The following GALNT17 variants were observed in gnomAD, a reference collection of about 807,000 sequenced individuals.
GALNT17 encodes the protein UDP-GalNAc:polypeptide N-acetylgalactosaminyltransferase-like 3.
A neutral mutation model predicts 63.7 loss-of-function variants in GALNT17; 29 were observed. That is an observed-to-expected ratio of 0.46 (90% CI 0.34 to 0.62). The LOEUF is 0.62. Among genes scored for constraint, GALNT17 ranks in the 20% least tolerant of loss-of-function variants. The pLI is 0.01. For missense variants in GALNT17, 603 were observed against 799.6 expected (o/e 0.75, Z 2.97); for synonymous variants, 305 against 318.3 (o/e 0.96, Z 0.45).
In GALNT17 at chr7:71,240,130, T is replaced by G. The variant is rs984941339; in HGVS notation, c.239-95420T>G. 2.0e-5 allele frequency among the ~76,000 whole-genome samples: 3 copies of G among 152,200 alleles called. No homozygotes were observed. The East Asian group carries it at 5.8e-4, about 29-fold the overall frequency. On this transcript the variant is annotated intron_variant, in intron 1 of 10. Transcript: ENST00000333538. The stretch of plus-strand genomic sequence containing the variant: ...TAAAAGCTTGCCTAACTCTTTTGGA[T>G]CCTTACCTAGTAGCTACTTCACAGC...
At chr7:71,417,672 C>A (rs926484634) in intron 4 of GALNT17, among the ~76,000 whole-genome samples, 1 of 152,204 alleles carries the variant, frequency 6.6e-6, no homozygotes, top group Non-Finnish European at 1.5e-5. Flanking sequence ...TTGAGAAGCA[C>A]TGAGCCATAA....
chr7:71,261,244 C>T (rs1420940057), intron 1 of GALNT17, among the ~76,000 whole-genome samples: 1 of 152,202 alleles, frequency 6.6e-6, no homozygotes, highest in African/African-American at 2.4e-5. Context: ...TGGCAGGACT[C>T]ATGGGCCCCT....
At chr7:71,529,363 G>A (rs75303196) in intron 5 of GALNT17, among the ~76,000 whole-genome samples, 2,339 of 152,150 alleles carry the variant, frequency 0.015, 27 homozygotes, top group South Asian at 0.035. Context: ...TCCACACATA[G>A]TAAGGAAGAA....
intron 1 of GALNT17, among the ~76,000 whole-genome samples, chr7:71,160,647 CG>C (rs1424853337): frequency 5.9e-5 from 9 of 151,994 alleles, no homozygotes; most frequent in African/African-American, 1.9e-4. Flanking sequence ...TTAGTAGTGA[CG>C]GGGTTTTTCC....
intron 2 of GALNT17, among the ~76,000 whole-genome samples, chr7:71,354,168 A>G (rs972253255): frequency 3.3e-5 from 5 of 152,204 alleles, no homozygotes; most frequent in African/African-American, 9.6e-5. Context: ...AGGAATTACA[A>G]TTCAACATGA....
At chr7:71,334,739 C>T (rs1791868445) in intron 1 of GALNT17, among the ~76,000 whole-genome samples, 1 of 152,120 alleles carries the variant, frequency 6.6e-6, no homozygotes, top group Admixed American at 6.5e-5. Flanking sequence ...TGGGTTTTTT[C>T]CTCTCCTCTG....
intron 1 of GALNT17, among the ~76,000 whole-genome samples, chr7:71,133,781 C>T (rs187449820): frequency 5.9e-5 from 9 of 152,258 alleles, no homozygotes; most frequent in Non-Finnish European, 1.2e-4. Context: ...TTTATGTGCT[C>T]TTGTCACACC....
intron 6 of GALNT17, among the ~76,000 whole-genome samples, chr7:71,632,545 C>T (rs1051055746): frequency 3.3e-5 from 5 of 152,068 alleles, no homozygotes; most frequent in African/African-American, 4.8e-5. Flanking sequence ...CACTTTCAGC[C>T]GAGCTGAATA....
chr7:71,457,838 G>A (rs960775265), intron 5 of GALNT17, among the ~76,000 whole-genome samples: 4 of 152,138 alleles, frequency 2.6e-5, no homozygotes, highest in Admixed American at 6.5e-5. Flanking sequence ...CGCCTTAACT[G>A]TCTGGGAATC....
At chr7:71,463,569 A>G (rs1166586515) in intron 5 of GALNT17, among the ~76,000 whole-genome samples, 1 of 152,200 alleles carries the variant, frequency 6.6e-6, no homozygotes, top group Non-Finnish European at 1.5e-5. Context: ...GCTACTCCAT[A>G]GGCAGAGCAG....
chr7:71,216,632 A>G (rs1435991316), intron 1 of GALNT17, among the ~76,000 whole-genome samples: 1 of 151,768 alleles, frequency 6.6e-6, no homozygotes, highest in Non-Finnish European at 1.5e-5. Context: ...ACACACACAT[A>G]TACATATATA....
At chr7:71,191,850 GAA>G (rs1361107447) in intron 1 of GALNT17, among the ~76,000 whole-genome samples, 1 of 152,186 alleles carries the variant, frequency 6.6e-6, no homozygotes, top group Non-Finnish European at 1.5e-5. Context: ...TAGAGGGACA[GAA>G]CTAATAGGAT....
chr7:71,150,926 A>G (rs1788120360), intron 1 of GALNT17, among the ~76,000 whole-genome samples: 2 of 148,720 alleles, frequency 1.3e-5, no homozygotes, highest in South Asian at 4.3e-4. Context: ...GCAGTGTGCC[A>G]TGATCACACC....
chr7:71,196,829 T>C (rs1443273903), intron 1 of GALNT17, among the ~76,000 whole-genome samples: 1 of 151,858 alleles, frequency 6.6e-6, no homozygotes, highest in Non-Finnish European at 1.5e-5. Context: ...AATTTTTATA[T>C]TTTTAGTAGA....
intron 1 of GALNT17, among the ~76,000 whole-genome samples, chr7:71,150,495 C>CT (rs1374792056): frequency 6.6e-6 from 1 of 150,904 alleles, no homozygotes; most frequent in East Asian, 2.0e-4. Flanking sequence ...CCTTCTCTCT[C>CT]TTTTTTTTCG....
chr7:71,224,578 G>T (rs1029011305), intron 1 of GALNT17, among the ~76,000 whole-genome samples: 64 of 152,166 alleles, frequency 4.2e-4, no homozygotes, highest in Non-Finnish European at 8.8e-5. Flanking sequence ...AAACCACGTG[G>T]TATATCCGTC....
At chr7:71,236,161 G>C (rs1375620294) in intron 1 of GALNT17, among the ~76,000 whole-genome samples, 2 of 151,078 alleles carry the variant, frequency 1.3e-5, no homozygotes, top group Non-Finnish European at 2.9e-5. Flanking sequence ...AGCCTGGGTA[G>C]ACAGAGTGAG....
At chr7:71,415,631 C>T (rs1012364623) in intron 3 of GALNT17, among the ~76,000 whole-genome samples, 3 of 152,074 alleles carry the variant, frequency 2.0e-5, no homozygotes, top group Non-Finnish European at 4.4e-5. Flanking sequence ...TCATAGCAGC[C>T]GGGATATAAA....
At chr7:71,175,365 ATATC>A (rs1472746998) in intron 1 of GALNT17, among the ~76,000 whole-genome samples, 3 of 152,098 alleles carry the variant, frequency 2.0e-5, no homozygotes, top group African/African-American at 7.2e-5. Flanking sequence ...TCATCTACCT[ATATC>A]TATTTATTTC....
Sources: allele counts gnomAD v4.1 joint callset (sites outside exome capture counted in the v4.1 genomes callset), GRCh38; gene constraint gnomAD v4.1.1; transcripts MANE v1.5; gene names NCBI Gene and HGNC (gene_info 2026-07-23, HGNC 2026-07-21).